The following AKAP19 variants were observed in gnomAD, a reference collection of about 807,000 sequenced individuals.
The protein encoded by AKAP19 is small A-kinase anchoring protein.
At chr2:190,166,671 GCTTATCTCTAC>G in the AKAP19 span, among the ~76,000 whole-genome samples, 1 of 152,014 alleles carries the variant, frequency 6.6e-6, no homozygotes, top group Non-Finnish European at 1.5e-5. Context: ...GAAACCATTT[GCTTATCTCTAC>G]AGATGGAAAA....
At chr2:190,036,355 AGT>A in the AKAP19 span, among the ~76,000 whole-genome samples, 1 of 152,220 alleles carries the variant, frequency 6.6e-6, no homozygotes, top group African/African-American at 2.4e-5. Context: ...GATTTAGGAA[AGT>A]CAGGGCTTAA....
chr2:190,038,983 CT>C, the AKAP19 span, among the ~76,000 whole-genome samples: 1 of 139,194 alleles, frequency 7.2e-6, no homozygotes, highest in East Asian at 2.1e-4. Flanking sequence ...TCTTCTTCTT[CT>C]TCCTTTCTTT....
At chr2:190,023,795 G>GTATATATATA in the AKAP19 span, among the ~76,000 whole-genome samples, 35 of 142,826 alleles carry the variant, frequency 2.5e-4, no homozygotes, top group East Asian at 1.2e-3. Context: ...ATGTGTGTGT[G>GTATATATATA]TATATATATA....
chr2:190,145,785 T>C, the AKAP19 span, among the ~76,000 whole-genome samples: 1 of 151,452 alleles, frequency 6.6e-6, no homozygotes, highest in East Asian at 1.9e-4. Context: ...ATTAAGCAAC[T>C]CATGATTCTC....
chr2:189,887,980 T>C, the AKAP19 span, among the ~76,000 whole-genome samples: 3 of 152,226 alleles, frequency 2.0e-5, no homozygotes, highest in African/African-American at 7.2e-5. Context: ...ATCTGTCAAT[T>C]TTGGCTTTTG....
the AKAP19 span, among the ~76,000 whole-genome samples, chr2:190,072,035 A>G: frequency 1.3e-5 from 2 of 152,208 alleles, no homozygotes; most frequent in African/African-American, 4.8e-5. Context: ...GCAGAACTGC[A>G]AGGAGAAAGG....
the AKAP19 span, among the ~76,000 whole-genome samples, chr2:190,197,102 A>T: frequency 0.99 from 151,137 of 152,254 alleles, 75,028 homozygotes; most frequent in East Asian, 1. This position sits in a 1 kb window ranked among gnomAD's most constrained non-coding sequence, Gnocchi z 4.0. Flanking sequence ...AGAGCACTAA[A>T]ACTCTAATAT....
the AKAP19 span, among the ~76,000 whole-genome samples, chr2:189,952,710 C>T: frequency 1.9e-3 from 291 of 152,290 alleles, 1 homozygote; most frequent in African/African-American, 6.8e-3. Context: ...CTGTGTGCAA[C>T]TGTAGGAGAA....
At chr2:189,916,513 G>A in the AKAP19 span, among the ~76,000 whole-genome samples, 5 of 151,568 alleles carry the variant, frequency 3.3e-5, no homozygotes, top group Non-Finnish European at 5.9e-5. Flanking sequence ...GTAGAGATGG[G>A]GTTTCACTAT....
chr2:190,081,559 A>T, the AKAP19 span, among the ~76,000 whole-genome samples: 27 of 152,210 alleles, frequency 1.8e-4, no homozygotes, highest in Non-Finnish European at 3.4e-4. Context: ...CATATTTTGC[A>T]TGACTCCTGT....
At chr2:190,169,303 G>A in the AKAP19 span, among the ~76,000 whole-genome samples, 2 of 151,960 alleles carry the variant, frequency 1.3e-5, no homozygotes. Context: ...CACAACACAT[G>A]AGAATTCAAG....
chr2:190,058,849 G>A, the AKAP19 span, among the ~76,000 whole-genome samples: 5 of 151,894 alleles, frequency 3.3e-5, no homozygotes, highest in African/African-American at 9.7e-5. Flanking sequence ...AGAAAGGGAT[G>A]AGGGATTAAA....
At chr2:189,935,692 T>C in the AKAP19 span, among the ~76,000 whole-genome samples, 1 of 152,124 alleles carries the variant, frequency 6.6e-6, no homozygotes, top group Non-Finnish European at 1.5e-5. Context: ...ATTTTGAAAA[T>C]GTCTTTATCA....
chr2:190,091,289 T>C, the AKAP19 span, among the ~76,000 whole-genome samples: 2 of 152,204 alleles, frequency 1.3e-5, no homozygotes, highest in Non-Finnish European at 2.9e-5. Context: ...TCATTTTAAA[T>C]TTAATTCTAA....
At chr2:189,891,898 T>C in the AKAP19 span, among the ~76,000 whole-genome samples, 3 of 152,138 alleles carry the variant, frequency 2.0e-5, no homozygotes, top group African/African-American at 7.2e-5. Context: ...TCTTTTCACA[T>C]AGTCCCGTAT....
At chr2:190,091,686 A>T in the AKAP19 span, among the ~76,000 whole-genome samples, 1 of 152,138 alleles carries the variant, frequency 6.6e-6, no homozygotes, top group African/African-American at 2.4e-5. Context: ...TTCGATCTTG[A>T]GTTTGTACCA....
At chr2:190,199,892 C>G in the AKAP19 span, 2 of 1,613,888 alleles carry the variant, frequency 1.2e-6, no homozygotes, top group Non-Finnish European at 1.7e-6. Context: ...CAAACTTTCC[C>G]ATTTCCTACC....
the AKAP19 span, among the ~76,000 whole-genome samples, chr2:190,005,968 A>G: frequency 2.0e-5 from 3 of 152,202 alleles, no homozygotes; most frequent in Non-Finnish European, 2.9e-5. Flanking sequence ...CCTTCAGACT[A>G]TTTTTCTTTA....
the AKAP19 span, among the ~76,000 whole-genome samples, chr2:190,194,406 CTG>C: frequency 0.027 from 4,096 of 151,482 alleles, 182 homozygotes; most frequent in African/African-American, 0.091. Flanking sequence ...AAATAATAGA[CTG>C]TTTTTCAGAG....
Sources: gnomAD v4.1 joint callset for allele counts (sites outside exome capture counted in the v4.1 genomes callset) on GRCh38, gnomAD v4.1.1 for gene constraint, Gnocchi (gnomAD v3.1) non-coding constraint, MANE v1.5 for transcripts, NCBI Gene and HGNC (gene_info 2026-07-23, HGNC 2026-07-21) for gene names.